Variants in DNAH14 observed in about 807,000 individuals in gnomAD.
DNAH14 encodes the protein dynein axonemal heavy chain 14.
In DNAH14, 478 loss-of-function variants were observed where a neutral mutation model predicts 520.9. The ratio of observed to expected loss-of-function variants is 0.92; its 90% CI spans 0.85 to 0.99. The LOEUF (loss-of-function observed/expected upper bound fraction) is 0.99, where lower values mean the gene tolerates loss of function less well. Ranked by LOEUF, DNAH14 falls within the 50% of genes least tolerant of loss-of-function variation. The probability of loss-of-function intolerance (pLI) is 0.00; values close to 1 mark genes in which losing one functional copy is unlikely to be tolerated. For synonymous variants in DNAH14, 1,581 were observed against 1,757.2 expected (o/e 0.90, Z 2.51); for missense variants, 4,831 against 5,234.5 (o/e 0.92, Z 2.38).
At chr1:225,024,168 T>C in intron 11 of DNAH14, 1 of 989,304 alleles carries the variant, frequency 1.0e-6, no homozygotes, top group Non-Finnish European at 1.2e-6. Context: ...TCTGATAATT[T>C]AGCAAATATA....
intron 8 of DNAH14, among the ~76,000 whole-genome samples, chr1:224,995,738 T>C (rs2063351875): frequency 6.6e-6 from 1 of 152,048 alleles, no homozygotes; most frequent in Non-Finnish European, 1.5e-5. Flanking sequence ...TTTTTATTCT[T>C]TTCCCTTTGC....
intron 17 of DNAH14, among the ~76,000 whole-genome samples, chr1:225,064,924 A>G (rs2070668345): frequency 6.6e-6 from 1 of 151,974 alleles, no homozygotes; most frequent in Non-Finnish European, 1.5e-5. Context: ...TTTCAGCACA[A>G]ATGATTTTTT....
chr1:225,235,142 T>C (rs540207271), intron 42 of DNAH14, among the ~76,000 whole-genome samples: 1 of 152,348 alleles, frequency 6.6e-6, no homozygotes, highest in South Asian at 2.1e-4. Context: ...GAAGAATCCC[T>C]CCAGCTTTTG....
intron 36 of DNAH14, among the ~76,000 whole-genome samples, chr1:225,172,142 C>T (rs1308383994): frequency 3.3e-5 from 5 of 152,066 alleles, no homozygotes; most frequent in African/African-American, 1.2e-4. Context: ...TATGACAAAC[C>T]CACAGCCAAT....
At chr1:225,249,865 C>T (rs1420149327) in intron 43 of DNAH14, among the ~76,000 whole-genome samples, 1 of 152,156 alleles carries the variant, frequency 6.6e-6, no homozygotes, top group Admixed American at 6.5e-5. Context: ...TGGTTTATTT[C>T]ATGTATCATA....
At chr1:225,357,635 C>T in intron 73 of DNAH14, 11 of 484,232 alleles carry the variant, frequency 2.3e-5, no homozygotes, top group Middle Eastern at 3.6e-4. Flanking sequence ...ATAATTTTTC[C>T]AAAACATAAC....
chr1:225,176,212 G>T (rs1395010366), intron 36 of DNAH14, among the ~76,000 whole-genome samples: 1 of 151,890 alleles, frequency 6.6e-6, no homozygotes, highest in Admixed American at 6.6e-5. Context: ...TTGACCCATT[G>T]CTTGTACATG....
At position 225,085,770 on chromosome 1, in the gene DNAH14, C is replaced by T. The variant is rs1572959605; in HGVS notation, c.3554C>T (p.Pro1185Leu). 1 of 1,549,050 alleles carries T rather than the reference C, an allele frequency of 6.5e-7. No homozygotes were observed. ...ATACTTGCAACAATTAAAGGATCTCCCCACATTGGGCCCATTAAGGTAAGT... is the reference window on the plus strand; with the variant it reads ...ATACTTGCAACAATTAAAGGATCTCTCCACATTGGGCCCATTAAGGTAAGT... ...QVILATIKGSPHIGPIKDLVN... is the reference protein window; with the variant it reads ...QVILATIKGSLHIGPIKDLVN... The change falls in exon 21 of 86, where the codon CCC (proline) becomes CTC (leucine). Residue 1185 changes from proline (P) to leucine (L), a missense_variant. By Grantham distance (98) the Pro-to-Leu change is moderately conservative. Transcript: ENST00000682510.
chr1:225,338,323 T>C (rs2095105013), intron 68 of DNAH14, 141 bp downstream of exon 68: 1 of 1,100,320 alleles, frequency 9.1e-7, no homozygotes, highest in African/African-American at 1.6e-5. Flanking sequence ...TTTGTTTTTG[T>C]GTTGGCAGTA....
chr1:225,398,188 GTTC>G, intron 84 of DNAH14: 1 of 216,576 alleles, frequency 4.6e-6, no homozygotes, highest in Non-Finnish European at 9.2e-6. Flanking sequence ...AACTGTTCTT[GTTC>G]TGTCCTAAAA....
chr1:225,074,531 A>G (rs1257887352), intron 17 of DNAH14, among the ~76,000 whole-genome samples: 1 of 152,176 alleles, frequency 6.6e-6, no homozygotes, highest in Non-Finnish European at 1.5e-5. Flanking sequence ...GGGCCCAAAC[A>G]GCAAAGATGG....
rs1484181243 is a variant in DNAH14, at chr1:225,398,635, A to G, written c.13607A>G (p.Asp4536Gly). The G allele has an allele frequency of 1.5e-5, 24 of 1,551,690 alleles. No homozygotes were observed. Among genetic ancestry groups the G allele is most frequent in the Middle Eastern group, 1.7e-4 (1 of 5,992 alleles). The change falls in exon 85 of 86, where the codon GAT becomes GGT. Residue 4536 changes from aspartate (D) to glycine (G), a missense_variant. Transcript: ENST00000682510. ...EDSLPLEMCC[D>G]FPDIYFLPTK... ...TCGCTGCCTCTGGAGATGTGCTGTG[A>G]TTTTCCCGACATATACTTTTTGCCA...
chr1:225,051,451 A>G lies in DNAH14; in HGVS notation c.2080A>G (p.Ile694Val). 2.0e-6 allele frequency: 3 copies of G among 1,471,246 alleles called. No homozygotes were observed. The highest frequency in any genetic ancestry group is 1.4e-5 in the African/African-American group (1 of 70,138). 91.1% of individuals were successfully genotyped at this position (1,471,246 alleles called of 1,614,324 possible). Residue 694 changes from isoleucine (I) to valine (V), a missense_variant and splice_region_variant, in exon 17 of 86, where the codon ATT becomes GTT. Coordinates refer to ENST00000682510, the MANE Select transcript of DNAH14 (RefSeq NM_001367479.1). ...AACATCTCAACATTCTTCTTTACAG[A>G]TTGTGAATCTCCTGACTATTATTGG... is the stretch of plus-strand genomic sequence containing the variant. ...FETDPAYQNI[I>V]VNLLTIIGNS...
chr1:224,974,584 C>G (rs2061690701), intron 8 of DNAH14, among the ~76,000 whole-genome samples: 1 of 152,136 alleles, frequency 6.6e-6, no homozygotes, highest in Admixed American at 6.6e-5. Flanking sequence ...ACCTTTTACC[C>G]AGTTTCCCTC....
At chr1:224,999,059 G>C (rs1352826309) in intron 8 of DNAH14, among the ~76,000 whole-genome samples, 2 of 151,648 alleles carry the variant, frequency 1.3e-5, no homozygotes, top group African/African-American at 4.8e-5. Context: ...TTCTTTATTT[G>C]GTATTAATAT....
At chr1:225,119,154 G>T in intron 25 of DNAH14, 66 bp from the exon 26 acceptor site, 2 of 1,253,736 alleles carry the variant, frequency 1.6e-6, no homozygotes. Flanking sequence ...CTACAGGCTT[G>T]TCAAAGGACT....
intron 8 of DNAH14, among the ~76,000 whole-genome samples, chr1:224,991,261 A>ATT (rs60395237): frequency 2.2e-5 from 3 of 134,928 alleles, no homozygotes; most frequent in African/African-American, 5.4e-5. Flanking sequence ...TGCCCAGCTA[A>ATT]TTTTTTTTTT....
intron 21 of DNAH14, 69 bp downstream of exon 21, chr1:225,085,858 G>A (rs534403630): frequency 7.8e-5 from 111 of 1,424,072 alleles, no homozygotes; most frequent in East Asian, 3.6e-4. Flanking sequence ...AATCTTTTGC[G>A]GTCTACAGTT....
intron 27 of DNAH14, among the ~76,000 whole-genome samples, chr1:225,138,312 A>G (rs2079139375): frequency 6.6e-6 from 1 of 152,116 alleles, no homozygotes; most frequent in South Asian, 2.1e-4. Context: ...GTTTCCCCCA[A>G]ACCGCAGAGA....
Sources: allele counts gnomAD v4.1 joint callset (sites outside exome capture counted in the v4.1 genomes callset), GRCh38; gene constraint gnomAD v4.1.1; transcripts MANE v1.5; gene names NCBI Gene and HGNC (gene_info 2026-07-23, HGNC 2026-07-21).